The following ODF2 variants were observed in gnomAD, a reference collection of about 807,000 sequenced individuals.
ODF2 encodes outer dense fiber of sperm tails 2.
ODF2 carries 47 observed loss-of-function variants against 110.2 expected under a neutral mutation model. The ratio of observed to expected loss-of-function variants is 0.43; its 90% CI spans 0.34 to 0.54. ODF2 has a LOEUF of 0.54. ODF2 is among the 20% of genes least tolerant of loss of function. The probability of loss-of-function intolerance (pLI) is 0.03; values close to 1 mark genes in which losing one functional copy is unlikely to be tolerated. For missense variants in ODF2, 812 were observed against 1,054.5 expected (o/e 0.77, Z 3.19); for synonymous variants, 352 against 397.7 (o/e 0.89, Z 1.37).
At chr9:128,493,155 C>T (rs912484641) in intron 16 of ODF2, among the ~76,000 whole-genome samples, 2 of 151,962 alleles carry the variant, frequency 1.3e-5, no homozygotes, top group African/African-American at 4.8e-5. Context: ...GAGACTGAGG[C>T]AGGCAGGTCA....
exon 2 of ODF2, chr9:128,457,273 A>G: frequency 6.2e-7 from 1 of 1,601,068 alleles, no homozygotes; most frequent in Non-Finnish European, 8.5e-7. Flanking sequence ...CAAAGCTTCC[A>G]CCCTTCTCCC....
At chr9:128,497,818 C>A in intron 18 of ODF2, 1 of 152,432 alleles carries the variant, frequency 6.6e-6, no homozygotes, top group African/African-American at 2.4e-5. Flanking sequence ...CCCTGCCAGC[C>A]TTGGAAATGG....
At chr9:128,497,446 A>AAAAAAAAAACATATATAT (rs1554857542) in intron 18 of ODF2, 1 of 42,596 alleles carries the variant, frequency 2.3e-5, no homozygotes, top group African/African-American at 1.5e-4. Flanking sequence ...AAAAAAAAAA[A>AAAAAAAAAACATATATAT]ATATATATAT....
At chr9:128,492,377 A>G in intron 14 of ODF2, 49 bp from the exon 15 acceptor site, 1 of 1,292,260 alleles carries the variant, frequency 7.7e-7, no homozygotes, top group Non-Finnish European at 1.1e-6. Context: ...TAGGAGGTCC[A>G]CCTGAAGCAG....
upstream of ODF2, chr9:128,455,936 C>G: frequency 2.1e-6 from 3 of 1,401,106 alleles, no homozygotes; most frequent in Non-Finnish European, 2.8e-6. Context: ...CGAGACCCGG[C>G]CAGGCCCGCT....
At chr9:128,498,245 C>T in intron 18 of ODF2, 168 bp from the exon 19 acceptor site, 1 of 1,045,206 alleles carries the variant, frequency 9.6e-7, no homozygotes, top group Non-Finnish European at 1.3e-6. Context: ...CTGCACAGTT[C>T]TTTGGTCGCC....
rs1319471342 is a variant in ODF2, at chr9:128,485,039, A to G, written c.1290+153A>G. On this transcript the variant is annotated intron_variant, in intron 12 of 20. Coordinates refer to ENST00000604420, the Ensembl canonical transcript of ODF2. The surrounding 1 kb of genome is among the most constrained non-coding windows in gnomAD (Gnocchi z 5.0). ...AGATGGCTGGGGAGGAGGGAGAGGG[A>G]GTTAAGGGGATCAAATGGGTAAAAG... 1.2e-5 allele frequency: 10 copies of G among 805,912 alleles called. No homozygotes were observed. The highest frequency in any genetic ancestry group is 1.1e-4 in the Admixed American group (5 of 45,016). The allele number at this position is 805,912 out of a possible 1,614,324, so 49.9% of individuals were successfully genotyped here.
intron 8 of ODF2, among the ~76,000 whole-genome samples, chr9:128,481,228 G>A (rs1235942125): frequency 1.3e-5 from 2 of 152,032 alleles, no homozygotes; most frequent in African/African-American, 4.8e-5. Context: ...CCCAGCACTT[G>A]GGGAGGCCAA....
upstream of ODF2, chr9:128,455,871 G>T: frequency 9.3e-7 from 1 of 1,077,684 alleles, no homozygotes; most frequent in Non-Finnish European, 1.3e-6. Flanking sequence ...GGGGAATCCG[G>T]GAGGATCCAA....
In ODF2 at chr9:128,485,257, G is replaced by A. The variant is rs1843140830; in HGVS notation, c.1291-108G>A. ...TCTAGAAAGGTGAATTCCAGAATGAGGTTTAGGTTACCAGGGTGAGAAACC... is the reference window on the plus strand; with the variant it reads ...TCTAGAAAGGTGAATTCCAGAATGAAGTTTAGGTTACCAGGGTGAGAAACC... On this transcript the variant is annotated intron_variant, in intron 12 of 20. Transcript: ENST00000604420. The surrounding 1 kb of genome is among the most constrained non-coding windows in gnomAD (Gnocchi z 5.0). The A allele has an allele frequency of 1.5e-6, 1 of 656,688 alleles. No homozygotes were observed. Among genetic ancestry groups the A allele is most frequent in the Non-Finnish European group, 2.7e-6 (1 of 367,402 alleles). The allele number at this position is 656,688 out of a possible 1,614,324, so 40.7% of individuals were successfully genotyped here. A position where few individuals can be genotyped will look rare whatever the true frequency, so the allele number is the denominator to read the frequency against.
intron 4 of ODF2, among the ~76,000 whole-genome samples, chr9:128,465,057 A>G (rs1324973541): frequency 1.3e-5 from 2 of 152,134 alleles, no homozygotes; most frequent in Non-Finnish European, 2.9e-5. Flanking sequence ...TCCTGTTGAC[A>G]TGGGTTGCTA....
At chr9:128,478,826 T>A (rs1841865394) in intron 8 of ODF2, among the ~76,000 whole-genome samples, 1 of 152,108 alleles carries the variant, frequency 6.6e-6, no homozygotes, top group Admixed American at 6.6e-5. Flanking sequence ...GTGCTCAGTG[T>A]GGTGGGGAAC....
At chr9:128,468,769 G>A (rs1392793489) in intron 4 of ODF2, among the ~76,000 whole-genome samples, 2 of 152,066 alleles carry the variant, frequency 1.3e-5, no homozygotes, top group Non-Finnish European at 2.9e-5. Context: ...TCATCCACCC[G>A]CCTCAGCCTC....
intron 9 of ODF2, 67 bp downstream of exon 9, chr9:128,481,718 T>C: frequency 3.9e-6 from 5 of 1,294,878 alleles, no homozygotes; most frequent in Non-Finnish European, 4.4e-6. Context: ...CACTACAAAG[T>C]GTAGAGGTGC....
At chr9:128,457,194 G>T in intron 1 of ODF2, 2 of 1,545,942 alleles carry the variant, frequency 1.3e-6, no homozygotes, top group Non-Finnish European at 1.7e-6. Context: ...CCCTACTTTG[G>T]CAGGACAGTT....
At chr9:128,464,523 G>A (rs531850613) in intron 4 of ODF2, among the ~76,000 whole-genome samples, 255 of 151,620 alleles carry the variant, frequency 1.7e-3, no homozygotes, top group Non-Finnish European at 3.0e-3. Context: ...TTTTTGAGAC[G>A]GAGTCTTGTT....
At chr9:128,455,910 G>C, upstream of ODF2, 1 of 1,343,632 alleles carries the variant, frequency 7.4e-7, no homozygotes, top group Non-Finnish European at 9.7e-7. Context: ...GAGCGGGAAA[G>C]GCCTTGAATG....
At chr9:128,495,390 C>T (rs5024259) in intron 17 of ODF2, among the ~76,000 whole-genome samples, 151,773 of 152,364 alleles carry the variant, frequency 1, 75,598 homozygotes, top group Middle Eastern at 1. Context: ...AGTAATTCCC[C>T]ACCATCACAG....
intron 9 of ODF2, 101 bp from the exon 10 acceptor site, chr9:128,482,715 C>T (rs1220507800): frequency 3.7e-6 from 3 of 804,776 alleles, no homozygotes; most frequent in Non-Finnish European, 2.1e-6. Flanking sequence ...GTATGTAGGA[C>T]CTTGGGCCCC....
Sources: gnomAD v4.1 joint callset for allele counts (sites outside exome capture counted in the v4.1 genomes callset) on GRCh38, gnomAD v4.1.1 for gene constraint, Gnocchi (gnomAD v3.1) non-coding constraint, MANE v1.5 for transcripts, NCBI Gene and HGNC (gene_info 2026-07-23, HGNC 2026-07-21) for gene names.